The following PTAR1 variants were observed in gnomAD, a reference collection of about 807,000 sequenced individuals.
PTAR1 encodes the protein protein prenyltransferase alpha subunit repeat containing 1.
A neutral mutation model predicts 45.5 loss-of-function variants in PTAR1; 17 were observed. The ratio of observed to expected loss-of-function variants is 0.37; its 90% confidence interval spans 0.26 to 0.56. PTAR1 has a LOEUF of 0.56. PTAR1 is among the 20% of genes least tolerant of loss of function. The probability of loss-of-function intolerance (pLI) is 0.77; values close to 1 mark genes in which losing one functional copy is unlikely to be tolerated. For missense variants in PTAR1, 391 were observed against 476.3 expected, an observed-to-expected ratio of 0.82 and a Z score of 1.67; for synonymous variants, 169 against 171.3, an observed-to-expected ratio of 0.99 and a Z score of 0.11.
rs529174004 is a variant in PTAR1 at position 69,759,986 on chromosome 9, C to T, written c.-48G>A. 3.6e-6 allele frequency: 5 copies of T among 1,408,040 alleles called. No homozygotes were observed. In the East Asian group the frequency reaches 1.3e-4, roughly 37 times the overall value. The allele number at this position is 1,408,040 out of a possible 1,614,324, so 87.2% of individuals were successfully genotyped here. A position where few individuals can be genotyped will look rare whatever the true frequency, so the allele number is the denominator to read the frequency against. ...CGGGCGCGCCTCCGCGTGAGCCGGG[C>T]CGCCGGCGGGAGTTCCGCGGAGAAC... is the stretch of plus-strand genomic sequence containing the variant. On this transcript the variant is annotated 5_prime_UTR_variant, in exon 1 of 8. Transcript: ENST00000340434.
intron 5 of PTAR1, among the ~76,000 whole-genome samples, chr9:69,726,064 T>A (rs1456053889): frequency 6.6e-6 from 1 of 152,160 alleles, no homozygotes; most frequent in Non-Finnish European, 1.5e-5. Flanking sequence ...TTTAAACTTT[T>A]AAAAATAGTA....
intron 1 of PTAR1, among the ~76,000 whole-genome samples, chr9:69,755,356 C>T (rs578171424): frequency 6.6e-6 from 1 of 152,270 alleles, no homozygotes; most frequent in African/African-American, 2.4e-5. Context: ...CATTGGCTTC[C>T]AGATGATGTT....
intron 3 of PTAR1, among the ~76,000 whole-genome samples, chr9:69,739,961 A>G (rs549238294): frequency 6.6e-6 from 1 of 152,308 alleles, no homozygotes; most frequent in Admixed American, 6.5e-5. Flanking sequence ...CCAACCAGAC[A>G]TATTTTTTTA....
chr9:69,751,598 T>C (rs937645041), intron 1 of PTAR1, among the ~76,000 whole-genome samples: 8 of 152,106 alleles, frequency 5.3e-5, no homozygotes, highest in Admixed American at 2.0e-4. Flanking sequence ...TTTTATACAG[T>C]TTCAATTATC....
At chr9:69,725,603 A>AAAAT (rs1554715488) in intron 5 of PTAR1, among the ~76,000 whole-genome samples, 1 of 151,056 alleles carries the variant, frequency 6.6e-6, no homozygotes, top group African/African-American at 2.4e-5. Context: ...AAAGAAAAAA[A>AAAAT]ATATATATAT....
In PTAR1 at chr9:69,757,637, A is replaced by G. The variant is rs541909174; in HGVS notation, c.86+2216T>C. ...TATTTAATGAAGTAGATGTTGGCCA[A>G]TAAAATTACAACCGATCTTAAGTTT... On this transcript the variant is annotated intron_variant, in intron 1 of 7. Transcript: ENST00000340434. 4 of 152,366 alleles carry G rather than the reference A, an allele frequency of 2.6e-5. No individual in the cohort carries two copies. In the South Asian group the frequency reaches 6.2e-4, roughly 24 times the overall value. 9.4% of individuals were successfully genotyped at this position (152,366 alleles called of 1,614,324 possible). A position where few individuals can be genotyped will look rare whatever the true frequency, so the allele number is the denominator to read the frequency against.
chr9:69,749,933 C>G (rs770769671), intron 2 of PTAR1, among the ~76,000 whole-genome samples: 1 of 151,986 alleles, frequency 6.6e-6, no homozygotes, highest in Non-Finnish European at 1.5e-5. Context: ...CTCTAGGAAA[C>G]AAAGTTCTTA....
intron 3 of PTAR1, 153 bp downstream of exon 3, chr9:69,741,639 C>A: frequency 1.8e-6 from 1 of 564,052 alleles, no homozygotes; most frequent in Non-Finnish European, 3.2e-6. Context: ...GGGCAAAATG[C>A]CTATTTAGAA....
intron 3 of PTAR1, among the ~76,000 whole-genome samples, chr9:69,734,819 C>T (rs1250268256): frequency 2.0e-5 from 3 of 152,170 alleles, no homozygotes; most frequent in Non-Finnish European, 4.4e-5. Flanking sequence ...ATCACACATA[C>T]ATTTTAACAT....
At chr9:69,726,960 T>TC (rs1825312855) in intron 5 of PTAR1, among the ~76,000 whole-genome samples, 1 of 151,608 alleles carries the variant, frequency 6.6e-6, no homozygotes, top group Non-Finnish European at 1.5e-5. Flanking sequence ...CAAGTAAAAT[T>TC]CTTTTTTTTC....
intron 6 of PTAR1, among the ~76,000 whole-genome samples, chr9:69,719,608 G>A (rs1469891405): frequency 6.6e-6 from 1 of 152,184 alleles, no homozygotes; most frequent in Non-Finnish European, 1.5e-5. Context: ...TGAGTCAGCA[G>A]TAGAAAACCG....
intron 5 of PTAR1, among the ~76,000 whole-genome samples, chr9:69,730,531 G>A (rs967561622): frequency 8.7e-5 from 13 of 149,914 alleles, no homozygotes; most frequent in African/African-American, 2.2e-4. Flanking sequence ...TGACCACCAA[G>A]CACTCCATAT....
intron 4 of PTAR1, 90 bp downstream of exon 4, chr9:69,734,060 A>G: frequency 1.3e-6 from 1 of 759,028 alleles, no homozygotes; most frequent in East Asian, 2.7e-5. Context: ...CTCTGGAACC[A>G]ATAAGTAACC....
In PTAR1 at chr9:69,718,572, G is replaced by T; in HGVS notation, c.983-4C>A. The T allele has an allele frequency of 6.2e-7, 1 of 1,613,546 alleles. No individual in the cohort carries two copies. Among genetic ancestry groups the T allele is most frequent in the Non-Finnish European group, 8.5e-7 (1 of 1,179,606 alleles). ...GCTTGAGACAGCTGGGAGCCTGCTG[G>T]GATAAGGTGCAAGTCACTCAAAGTC... On this transcript the variant is annotated splice_region_variant and splice_polypyrimidine_tract_variant and intron_variant, in intron 7 of 7. Transcript: ENST00000340434.
chr9:69,731,828 A>C (rs1226142569), intron 5 of PTAR1: 3 of 315,464 alleles, frequency 9.5e-6, no homozygotes, highest in African/African-American at 2.2e-5. Flanking sequence ...TAGCAATTCC[A>C]GTTCTATAAG....
chr9:69,710,359 T>A lies in PTAR1; in HGVS notation c.*7983A>T, dbSNP rs891094589. On this transcript the variant is annotated 3_prime_UTR_variant, in exon 8 of 8. Transcript: ENST00000340434. ...ATATACTGGGTTACATAAACTGTTATTAAAATTAATTTTGCTTGTTTCTTT... is the reference window on the plus strand; with the variant it reads ...ATATACTGGGTTACATAAACTGTTAATAAAATTAATTTTGCTTGTTTCTTT... 2 of 152,174 alleles carry A rather than the reference T, an allele frequency of 1.3e-5. No homozygotes were observed. The highest frequency in any genetic ancestry group is 4.8e-5 in the African/African-American group (2 of 41,458). The allele number at this position is 152,174 out of a possible 1,614,324, so 9.4% of individuals were successfully genotyped here.
At chr9:69,736,637 ACTGT>A (rs1825802032) in intron 3 of PTAR1, among the ~76,000 whole-genome samples, 1 of 152,224 alleles carries the variant, frequency 6.6e-6, no homozygotes, top group Non-Finnish European at 1.5e-5. Context: ...ATTATTTATA[ACTGT>A]CTACCTTTAT....
chr9:69,740,669 A>AGAC (rs1826005514), intron 3 of PTAR1, among the ~76,000 whole-genome samples: 1 of 151,624 alleles, frequency 6.6e-6, no homozygotes, highest in Admixed American at 6.6e-5. Flanking sequence ...AAAAAAAAAA[A>AGAC]AAGACATGGT....
intron 3 of PTAR1, among the ~76,000 whole-genome samples, chr9:69,737,667 A>ATAC (rs1336735206): frequency 1.1e-4 from 17 of 152,172 alleles, no homozygotes; most frequent in African/African-American, 3.9e-4. Flanking sequence ...AATAATGGCC[A>ATAC]TCCTCATTAA....
Sources: gnomAD v4.1 joint callset for allele counts (sites outside exome capture counted in the v4.1 genomes callset) on GRCh38, gnomAD v4.1.1 for gene constraint, MANE v1.5 for transcripts, NCBI Gene and HGNC (gene_info 2026-07-23, HGNC 2026-07-21) for gene names.